Variants in SYTL5 observed in about 807,000 individuals in gnomAD.
SYTL5 encodes the protein synaptotagmin-like protein 5.
A neutral mutation model predicts 55.9 loss-of-function variants in SYTL5; 34 were observed. The ratio of observed to expected loss-of-function variants is 0.61; its 90% CI spans 0.46 to 0.81. SYTL5 has a LOEUF of 0.81. Ranked by LOEUF, SYTL5 falls within the 30% of genes least tolerant of loss-of-function variation. The pLI is 0.00. For missense variants in SYTL5, 637 were observed against 546.7 expected (o/e 1.17, Z -1.65); for synonymous variants, 221 against 188.7 (o/e 1.17, Z -1.40).
chrX:38,064,323 A>G (rs1439834742), intron 3 of SYTL5, among the ~76,000 whole-genome samples: 1 of 111,332 alleles, frequency 9.0e-6, no homozygotes, highest in Non-Finnish European at 1.9e-5. Flanking sequence ...TGTTTCCTTT[A>G]CTTCATGATC....
At chrX:37,893,951 G>A in the SYTL5 span, among the ~76,000 whole-genome samples, 3 of 108,115 alleles carry the variant, frequency 2.8e-5, no homozygotes, top group Non-Finnish European at 3.8e-5. Flanking sequence ...TTGCTCCCTT[G>A]TGCCACTTCC....
chrX:37,932,332 G>C, the SYTL5 span, among the ~76,000 whole-genome samples: 1 of 111,051 alleles, frequency 9.0e-6, no homozygotes, highest in Non-Finnish European at 1.9e-5. Flanking sequence ...AATGGAGGGG[G>C]AGCCATCTTT....
intron 6 of SYTL5, among the ~76,000 whole-genome samples, chrX:38,077,255 T>A (rs113800609): frequency 0.02 from 2,255 of 111,455 alleles, 30 homozygotes; most frequent in Middle Eastern, 0.051. Flanking sequence ...GCCCAGAGCA[T>A]AGTCATTTTA....
intron 2 of SYTL5, among the ~76,000 whole-genome samples, chrX:38,053,943 G>A (rs1479521539): frequency 1.8e-5 from 2 of 112,145 alleles, no homozygotes; most frequent in African/African-American, 6.5e-5. Flanking sequence ...GGGAGAAATT[G>A]TATTTCCTGA....
At chrX:38,002,263 C>T (rs1234277012), upstream of SYTL5, among the ~76,000 whole-genome samples, 2 of 112,107 alleles carry the variant, frequency 1.8e-5, no homozygotes, top group African/African-American at 6.5e-5. Flanking sequence ...TCCAGTCTAA[C>T]ATTGTTGGAC....
the SYTL5 span, among the ~76,000 whole-genome samples, chrX:37,982,015 A>G: frequency 1.8e-5 from 2 of 112,395 alleles, no homozygotes; most frequent in African/African-American, 6.5e-5. Context: ...AAATTGTAAG[A>G]CATTCAAAGA....
At chrX:37,947,653 A>G in the SYTL5 span, among the ~76,000 whole-genome samples, 1 of 111,874 alleles carries the variant, frequency 8.9e-6, no homozygotes, top group East Asian at 2.8e-4. Flanking sequence ...TAAGATTTAC[A>G]TCTTTTTGGG....
chrX:38,054,611 TGAGAGAGAGA>T (rs3067495), intron 3 of SYTL5, among the ~76,000 whole-genome samples, 189 bp downstream of exon 3: 12,694 of 95,229 alleles, frequency 0.13, 1,894 homozygotes, highest in African/African-American at 0.43. Context: ...TGTGTGTATG[TGAGAGAGAGA>T]GAGAGAGAGA....
At chrX:38,024,706 A>C (rs1156239515) in intron 1 of SYTL5, among the ~76,000 whole-genome samples, 2 of 111,788 alleles carry the variant, frequency 1.8e-5, no homozygotes, top group Non-Finnish European at 3.8e-5. Flanking sequence ...TTGTTTCATT[A>C]GGAAGTCATA....
At chrX:38,073,743 ACACC>A in intron 5 of SYTL5, 45 bp downstream of exon 5, 3 of 947,813 alleles carry the variant, frequency 3.2e-6, no homozygotes, top group Non-Finnish European at 1.5e-6. Context: ...TTTATTCCAG[ACACC>A]TCTGAAATGA....
chrX:37,944,617 G>A, the SYTL5 span, among the ~76,000 whole-genome samples: 3 of 111,304 alleles, frequency 2.7e-5, no homozygotes, highest in African/African-American at 6.5e-5. Context: ...CCATGAATGC[G>A]GGCACAACTG....
the SYTL5 span, among the ~76,000 whole-genome samples, chrX:37,976,882 C>T: frequency 9.1e-6 from 1 of 109,467 alleles, no homozygotes; most frequent in Non-Finnish European, 1.9e-5. Context: ...AGGAGAATCG[C>T]TTGAACCCAG....
the SYTL5 span, among the ~76,000 whole-genome samples, chrX:37,982,311 A>G: frequency 8.9e-6 from 1 of 112,221 alleles, no homozygotes; most frequent in African/African-American, 3.2e-5. Context: ...AGGGCTGACT[A>G]GTATATTTGA....
intron 2 of SYTL5, among the ~76,000 whole-genome samples, chrX:38,039,992 G>A (rs901064085): frequency 3.6e-5 from 4 of 110,534 alleles, no homozygotes; most frequent in Non-Finnish European, 7.6e-5. Context: ...TGGCTAACAC[G>A]GTAAAACCCC....
At chrX:38,095,627 G>A (rs1936914234) in intron 8 of SYTL5, among the ~76,000 whole-genome samples, 1 of 111,929 alleles carries the variant, frequency 8.9e-6, no homozygotes, top group Admixed American at 9.5e-5. Flanking sequence ...TCCTCTCATT[G>A]CATCTATAGC....
intron 2 of SYTL5, among the ~76,000 whole-genome samples, chrX:38,037,515 G>T (rs1179909917): frequency 9.0e-6 from 1 of 111,435 alleles, no homozygotes; most frequent in East Asian, 2.8e-4. Flanking sequence ...AAAGAATTTT[G>T]GTTCATTTGA....
chrX:38,020,408 C>CATATAT (rs59575156), intron 1 of SYTL5, among the ~76,000 whole-genome samples: 50 of 58,569 alleles, frequency 8.5e-4, no homozygotes, highest in Non-Finnish European at 1.2e-3. Context: ...TATGTGTGTG[C>CATATAT]ATATATATAT....
the SYTL5 span, among the ~76,000 whole-genome samples, chrX:37,902,205 C>A: frequency 3.7e-4 from 42 of 112,107 alleles, no homozygotes; most frequent in African/African-American, 1.4e-3. Flanking sequence ...GAAGTAGACC[C>A]TCAGCCTTGC....
chrX:38,033,199 G>T (rs1432965948), intron 1 of SYTL5, among the ~76,000 whole-genome samples: 1 of 111,356 alleles, frequency 9.0e-6, no homozygotes, highest in African/African-American at 3.3e-5. Context: ...GTTATGGGCA[G>T]TCCAGATTGT....
Sources: allele counts gnomAD v4.1 joint callset (sites outside exome capture counted in the v4.1 genomes callset), GRCh38; gene constraint gnomAD v4.1.1; transcripts MANE v1.5; gene names NCBI Gene and HGNC (gene_info 2026-07-23, HGNC 2026-07-21).